NIPA1: variants seen among roughly 807,000 people sequenced by gnomAD.
NIPA1 encodes magnesium transporter NIPA1.
A neutral mutation model predicts 23.9 loss-of-function variants in NIPA1; 13 were observed. The ratio of observed to expected loss-of-function variants is 0.54; its 90% CI spans 0.35 to 0.87. The LOEUF (loss-of-function observed/expected upper bound fraction) is 0.87. Ranked by LOEUF, NIPA1 falls within the 40% of genes least tolerant of loss-of-function variation. NIPA1 has a pLI of 0.01. For missense variants in NIPA1, 362 were observed against 429.7 expected, an observed-to-expected ratio of 0.84 and a Z score of 1.39; for synonymous variants, 234 against 202.9, an observed-to-expected ratio of 1.15 and a Z score of -1.30.
At position 22,820,359 on chromosome 15, in the gene NIPA1, G is replaced by T; in HGVS notation, c.364G>T (p.Gly122Cys). Residue 122 changes from glycine to cysteine, a missense_variant, in exon 4 of 5, where the codon GGC (glycine) becomes TGC (cysteine). Transcript: ENST00000337435. ...YLLKEKLNIL[G>C]KLGCLLSCAG... ...CCTGAAGGAAAAGCTCAACATCTTG[G>T]GCAAGTTGGGGTGCCTGCTAAGCTG... 1 of 1,612,478 alleles carries T rather than the reference G, an allele frequency of 6.2e-7. No individual in the cohort carries two copies. Among genetic ancestry groups the T allele is most frequent in the Non-Finnish European group, 8.5e-7 (1 of 1,178,542 alleles).
Position 22,824,335 on chromosome 15 carries a change from G to T in NIPA1, c.*96G>T. 5.5e-6 allele frequency: 6 copies of T among 1,096,252 alleles called. No individual in the cohort carries two copies. Among genetic ancestry groups the T allele is most frequent in the Non-Finnish European group, 8.4e-6 (6 of 715,126 alleles). 67.9% of individuals were successfully genotyped at this position (1,096,252 alleles called of 1,614,324 possible). A position where few individuals can be genotyped will look rare whatever the true frequency, so the allele number is the denominator to read the frequency against. The stretch of plus-strand genomic sequence containing the variant: ...AGTAGAAGAGGTCCTCGATCATGGT[G>T]TTAGAATTGACTGGATAGTAACAGG... On this transcript the variant is annotated 3_prime_UTR_variant, in exon 5 of 5. Transcript: ENST00000337435. This position sits in a 1 kb window ranked among gnomAD's most constrained non-coding sequence, Gnocchi z 4.1.
At chr15:22,796,948 T>G (rs2140852436) in intron 1 of NIPA1, among the ~76,000 whole-genome samples, 1 of 152,302 alleles carries the variant, frequency 6.6e-6, no homozygotes, top group South Asian at 2.1e-4. Context: ...ACATAGTCAT[T>G]GTTTAAAATC....
chr15:22,798,165 G>A (rs1894982375), intron 1 of NIPA1, among the ~76,000 whole-genome samples: 3 of 150,728 alleles, frequency 2.0e-5, no homozygotes. Flanking sequence ...GATTCTTAAT[G>A]AAAAAATCCT....
chr15:22,822,056 A>G (rs1895550492), intron 4 of NIPA1, among the ~76,000 whole-genome samples: 1 of 152,160 alleles, frequency 6.6e-6, no homozygotes, highest in South Asian at 2.1e-4. Flanking sequence ...CTGCAGATAT[A>G]GACTGACGTG....
chr15:22,816,205 T>G (rs1895413806), intron 3 of NIPA1, among the ~76,000 whole-genome samples: 1 of 123,042 alleles, frequency 8.1e-6, no homozygotes. Flanking sequence ...TTTTTTTTTT[T>G]TTGAGACAGA....
chr15:22,794,443 A>G (rs1043407452), intron 1 of NIPA1, among the ~76,000 whole-genome samples: 1 of 152,236 alleles, frequency 6.6e-6, no homozygotes, highest in Non-Finnish European at 1.5e-5. Context: ...CTGCACAGCA[A>G]TGTCAGTGTA....
intron 1 of NIPA1, among the ~76,000 whole-genome samples, chr15:22,791,254 G>A (rs1595629347): frequency 2.0e-5 from 3 of 152,000 alleles, no homozygotes; most frequent in East Asian, 3.9e-4. Flanking sequence ...TGTTCATTTG[G>A]AGTTTCCAAT....
chr15:22,805,469 C>T (rs1173882986), intron 1 of NIPA1, among the ~76,000 whole-genome samples: 1 of 152,106 alleles, frequency 6.6e-6, no homozygotes. Context: ...AGCGGATCAC[C>T]TGAGGTCAGG....
intron 3 of NIPA1, chr15:22,813,510 G>C (rs567448893): frequency 2.3e-5 from 9 of 396,182 alleles, no homozygotes; most frequent in Non-Finnish European, 4.5e-5. Flanking sequence ...ATATATCCTC[G>C]TGTGAACCTA....
At chr15:22,810,049 A>AAC (rs986282499) in intron 1 of NIPA1, among the ~76,000 whole-genome samples, 2 of 151,922 alleles carry the variant, frequency 1.3e-5, no homozygotes, top group African/African-American at 4.8e-5. Flanking sequence ...TCTGCCTCAA[A>AAC]AAAAAAAGTG....
chr15:22,820,594 T>C (rs1895517425), intron 4 of NIPA1, 121 bp downstream of exon 4: 3 of 807,516 alleles, frequency 3.7e-6, no homozygotes, highest in Admixed American at 3.4e-5. Context: ...CACCCTGATC[T>C]GTTACTGTAG....
intron 4 of NIPA1, among the ~76,000 whole-genome samples, chr15:22,822,565 A>G (rs901540097): frequency 2.0e-5 from 3 of 152,316 alleles, no homozygotes; most frequent in Admixed American, 2.0e-4. Flanking sequence ...ACAGTGGCTC[A>G]CGCCTGTAAT....
At chr15:22,800,358 T>G (rs1276191878) in intron 1 of NIPA1, among the ~76,000 whole-genome samples, 1 of 152,186 alleles carries the variant, frequency 6.6e-6, no homozygotes, top group Non-Finnish European at 1.5e-5. Flanking sequence ...AAGAATAATT[T>G]TTTAATGTTC....
chr15:22,810,611 T>C (rs1383716159), intron 1 of NIPA1, 138 bp from the exon 2 acceptor site: 1 of 679,444 alleles, frequency 1.5e-6, no homozygotes, highest in African/African-American at 1.8e-5. Flanking sequence ...AGATTCTCTT[T>C]AGGGTGAATA....
At chr15:22,820,500 A>G in intron 4 of NIPA1, 27 bp downstream of exon 4, 2 of 1,606,022 alleles carry the variant, frequency 1.2e-6, no homozygotes, top group Non-Finnish European at 1.7e-6. Flanking sequence ...AGCACTGCCA[A>G]GAAAGTTTGC....
Position 22,827,181 on chromosome 15 carries a change from G to A in NIPA1, c.*2942G>A, listed in dbSNP as rs1363852025. On this transcript the variant is annotated 3_prime_UTR_variant, in exon 5 of 5. Transcript: ENST00000337435. ...TCAAAGGTTTTGATCACAATATGCAGATTTCTCTTGATAGATACTTAAATA... is the reference window on the plus strand; with the variant it reads ...TCAAAGGTTTTGATCACAATATGCAAATTTCTCTTGATAGATACTTAAATA... 1.3e-5 allele frequency: 2 copies of A among 152,142 alleles called. No homozygotes were observed. Among genetic ancestry groups the A allele is most frequent in the African/African-American group, 2.4e-5 (1 of 41,416 alleles). 9.4% of individuals were successfully genotyped at this position (152,142 alleles called of 1,614,324 possible).
intron 1 of NIPA1, among the ~76,000 whole-genome samples, chr15:22,788,938 GAT>G (rs1412188176): frequency 2.2e-4 from 16 of 71,334 alleles, no homozygotes; most frequent in Non-Finnish European, 4.5e-4. Flanking sequence ...AAAAAAAAAA[GAT>G]AAATGCTGTT....
chr15:22,803,675 AT>A (rs34811722), intron 1 of NIPA1, among the ~76,000 whole-genome samples: 9,680 of 70,900 alleles, frequency 0.14, 521 homozygotes, highest in African/African-American at 0.25. Flanking sequence ...GGCCCGGCTA[AT>A]TTTTTTTTTT....
At chr15:22,795,708 G>C (rs1224454403) in intron 1 of NIPA1, among the ~76,000 whole-genome samples, 1 of 152,154 alleles carries the variant, frequency 6.6e-6, no homozygotes, top group Non-Finnish European at 1.5e-5. Context: ...CTCTTGGCTT[G>C]CTCGGGCTGC....
Sources: allele counts gnomAD v4.1 joint callset (sites outside exome capture counted in the v4.1 genomes callset), GRCh38; gene constraint gnomAD v4.1.1; non-coding constraint Gnocchi (gnomAD v3.1); transcripts MANE v1.5; gene names NCBI Gene and HGNC (gene_info 2026-07-23, HGNC 2026-07-21).